Variants in TULP4 observed in about 807,000 individuals in gnomAD.
TULP4 encodes TUB like protein 4.
A neutral mutation model predicts 129.0 loss-of-function variants in TULP4; 16 were observed. The ratio of observed to expected loss-of-function variants is 0.12; its 90% CI spans 0.08 to 0.19. The LOEUF (loss-of-function observed/expected upper bound fraction) is 0.19, where lower values mean the gene tolerates loss of function less well. Among genes scored for constraint, TULP4 ranks in the 10% least tolerant of loss-of-function variants. TULP4 has a pLI of 1.00. For synonymous variants in TULP4, 998 were observed against 854.0 expected, an observed-to-expected ratio of 1.17 and a Z score of -2.94; for missense variants, 1,842 against 2,059.1, an observed-to-expected ratio of 0.89 and a Z score of 2.04.
intron 6 of TULP4, among the ~76,000 whole-genome samples, chr6:158,476,771 A>T (rs1779830207): frequency 6.6e-6 from 1 of 152,208 alleles, no homozygotes; most frequent in Non-Finnish European, 1.5e-5. Context: ...TCTGGGGCTC[A>T]CGATTTTGTA....
At chr6:158,355,248 A>G (rs1031786160) in intron 1 of TULP4, among the ~76,000 whole-genome samples, 1 of 151,952 alleles carries the variant, frequency 6.6e-6, no homozygotes, top group African/African-American at 2.4e-5. Flanking sequence ...ATGCCCAGGT[A>G]ATTAAAATAA....
chr6:158,370,888 G>C (rs942476898), intron 1 of TULP4, among the ~76,000 whole-genome samples: 1 of 152,180 alleles, frequency 6.6e-6, no homozygotes, highest in African/African-American at 2.4e-5. Context: ...TTCTCTTCTA[G>C]AAAACAGGGC....
In TULP4 at chr6:158,502,626, G is replaced by A. The variant is rs143675661; in HGVS notation, c.2963G>A (p.Arg988Gln). 82 of 1,595,196 alleles carry A rather than the reference G, an allele frequency of 5.1e-5. No homozygotes were observed. The highest frequency in any genetic ancestry group is 6.2e-5 in the Non-Finnish European group (73 of 1,176,852). The change falls in exon 13 of 14, where the codon CGG (arginine) becomes CAG (glutamine). Residue 988 changes from arginine (R) to glutamine (Q), a missense_variant. Transcript: ENST00000367097. ...SDNSLIHATL[R>Q]RNNREATLKM... is the part of the protein sequence containing the mutation. ...AATAGCCTCATCCACGCTACCCTGCGGAGGAACAACCGTGAGGCTACGCTC... is the reference window on the plus strand; with the variant it reads ...AATAGCCTCATCCACGCTACCCTGCAGAGGAACAACCGTGAGGCTACGCTC...
At chr6:158,331,827 A>T (rs1037430378) in intron 1 of TULP4, among the ~76,000 whole-genome samples, 1 of 143,814 alleles carries the variant, frequency 7.0e-6, no homozygotes, top group Non-Finnish European at 1.5e-5. Context: ...TCTGGGTTCA[A>T]TTAGGAGACG....
chr6:158,236,795 C>CTTTTTCTTTTTTTTT, intron 1 of TULP4, among the ~76,000 whole-genome samples: 1 of 63,292 alleles, frequency 1.6e-5, no homozygotes, highest in Non-Finnish European at 3.1e-5. Context: ...CAATTCTTTT[C>CTTTTTCTTTTTTTTT]TTTTTTTTTT....
At chr6:158,311,626 C>T (rs1009809548), upstream of TULP4, among the ~76,000 whole-genome samples, 55 of 152,124 alleles carry the variant, frequency 3.6e-4, no homozygotes, top group African/African-American at 1.3e-3. Flanking sequence ...TTTTATTAAT[C>T]GTGAAAAAAT....
At chr6:158,253,232 C>G (rs917310737) in intron 1 of TULP4, among the ~76,000 whole-genome samples, 1 of 152,200 alleles carries the variant, frequency 6.6e-6, no homozygotes, top group African/African-American at 2.4e-5. Context: ...GAAAGTCACC[C>G]TCACTGTGAG....
chr6:158,291,742 TA>T (rs1281685022), intron 1 of TULP4, among the ~76,000 whole-genome samples: 2 of 152,160 alleles, frequency 1.3e-5, no homozygotes, highest in South Asian at 2.1e-4. Context: ...CTCTGTGCTA[TA>T]AAAAAATTGG....
chr6:158,503,562 A>G lies in TULP4; in HGVS notation c.3899A>G (p.Gln1300Arg). 1 of 1,614,004 alleles carries G rather than the reference A, an allele frequency of 6.2e-7. No individual in the cohort carries two copies. The highest frequency in any genetic ancestry group is 8.5e-7 in the Non-Finnish European group (1 of 1,180,002). Residue 1300 changes from glutamine to arginine, a missense_variant, in exon 13 of 14, where the codon CAA becomes CGA. By Grantham distance (43) the Gln-to-Arg change is conservative (BLOSUM62 1). Around this residue, in one of 5 missense-constraint regions of TULP4, gnomAD observed 1,089 missense variants for 987.1 expected, o/e 1.10. Coordinates refer to ENST00000367097, the MANE Select transcript of TULP4 (RefSeq NM_020245.5). This position sits in a 1 kb window ranked among gnomAD's most constrained non-coding sequence, Gnocchi z 4.3. ...PLVSPPPADL[Q>R]SHLGTEVMVE... ...GTGTCCCCACCACCTGCCGACCTCC[A>G]AAGCCACTTGGGCACAGAGGTGATG... is the stretch of plus-strand genomic sequence containing the variant.
chr6:158,332,169 C>CAAA (rs1169601263), intron 1 of TULP4, among the ~76,000 whole-genome samples: 57 of 65,252 alleles, frequency 8.7e-4, no homozygotes, highest in African/African-American at 3.1e-3. Context: ...AAGACTCTGT[C>CAAA]AAAAAAAAAA....
chr6:158,416,402 G>A (rs976901642), intron 2 of TULP4, among the ~76,000 whole-genome samples: 7 of 152,118 alleles, frequency 4.6e-5, no homozygotes, highest in Non-Finnish European at 7.3e-5. Flanking sequence ...GATCCTGACC[G>A]GGTGTAGGCC....
intron 2 of TULP4, among the ~76,000 whole-genome samples, chr6:158,416,678 C>A (rs11756644): frequency 6.6e-6 from 1 of 152,228 alleles, no homozygotes; most frequent in Non-Finnish European, 1.5e-5. Context: ...TGAGTGCAGC[C>A]TAAGCATCCA....
chr6:158,446,803 G>A (rs1779052966), intron 3 of TULP4, among the ~76,000 whole-genome samples: 1 of 152,158 alleles, frequency 6.6e-6, no homozygotes, highest in Admixed American at 6.5e-5. Context: ...TCCTCACATG[G>A]CCTTTCCTCA....
At chr6:158,478,044 C>T (rs1269651181) in intron 6 of TULP4, among the ~76,000 whole-genome samples, 1 of 152,004 alleles carries the variant, frequency 6.6e-6, no homozygotes, top group Non-Finnish European at 1.5e-5. Flanking sequence ...ACTTCTAAGC[C>T]GGACCTGAAT....
chr6:158,469,311 T>C (rs1205151168), intron 6 of TULP4, among the ~76,000 whole-genome samples: 3 of 151,580 alleles, frequency 2.0e-5, no homozygotes, highest in African/African-American at 7.3e-5. Context: ...TCTCACTCTG[T>C]CATTCAGGCT....
At chr6:158,238,270 TG>T (rs1367815826) in intron 1 of TULP4, 3 of 1,133,178 alleles carry the variant, frequency 2.6e-6, no homozygotes, top group Non-Finnish European at 4.0e-6. Context: ...CTATTGCTTT[TG>T]TGTGCTGCTT....
intron 1 of TULP4, among the ~76,000 whole-genome samples, chr6:158,358,743 T>C (rs1780702672): frequency 6.6e-6 from 1 of 152,230 alleles, no homozygotes; most frequent in African/African-American, 2.4e-5. Context: ...GTGTGATAAC[T>C]TAGCAGAAAA....
At chr6:158,451,472 C>T (rs1779161014) in intron 4 of TULP4, among the ~76,000 whole-genome samples, 1 of 152,206 alleles carries the variant, frequency 6.6e-6, no homozygotes, top group South Asian at 2.1e-4. Context: ...GAAGGGCTTA[C>T]TTTTGCTTTT....
intron 6 of TULP4, among the ~76,000 whole-genome samples, chr6:158,467,441 G>A (rs1779579321): frequency 1.3e-5 from 2 of 151,706 alleles, no homozygotes; most frequent in African/African-American, 2.4e-5. Context: ...CACCACACCC[G>A]GCTAATTTTT....
Sources: allele counts gnomAD v4.1 joint callset (sites outside exome capture counted in the v4.1 genomes callset), GRCh38; gene constraint gnomAD v4.1.1; regional missense constraint gnomAD v4.1.1; non-coding constraint Gnocchi (gnomAD v3.1); transcripts MANE v1.5; gene names NCBI Gene and HGNC (gene_info 2026-07-23, HGNC 2026-07-21).